Variants in NPAS3 observed in about 807,000 individuals in gnomAD.
The protein encoded by NPAS3 is neuronal PAS domain-containing protein 3.
Under a neutral mutation model 73.1 loss-of-function variants are expected in NPAS3, and 14 were observed. That is an observed-to-expected ratio of 0.19 (90% CI 0.13 to 0.30). The LOEUF (loss-of-function observed/expected upper bound fraction) is 0.30, where lower values mean the gene tolerates loss of function less well. Among genes scored for constraint, NPAS3 ranks in the 10% least tolerant of loss-of-function variants. The probability of loss-of-function intolerance (pLI) is 1.00; values close to 1 mark genes in which losing one functional copy is unlikely to be tolerated. For synonymous variants in NPAS3, 620 were observed against 541.5 expected, an observed-to-expected ratio of 1.14 and a Z score of -2.01; for missense variants, 1,096 against 1,250.0, an observed-to-expected ratio of 0.88 and a Z score of 1.86.
intron 4 of NPAS3, among the ~76,000 whole-genome samples, chr14:33,505,285 C>T (rs969061566): frequency 2.6e-5 from 4 of 151,934 alleles, no homozygotes; most frequent in African/African-American, 7.2e-5. Flanking sequence ...CATAATAGGT[C>T]CACAATTGAT....
intron 2 of NPAS3, among the ~76,000 whole-genome samples, chr14:33,099,388 G>A (rs1185103067): frequency 6.6e-6 from 1 of 152,058 alleles, no homozygotes; most frequent in African/African-American, 2.4e-5. Flanking sequence ...TATTTCAGGA[G>A]GCCCAAGGAC....
chr14:33,311,746 G>T (rs12432566), intron 3 of NPAS3, among the ~76,000 whole-genome samples: 149 of 152,154 alleles, frequency 9.8e-4, no homozygotes, highest in African/African-American at 3.3e-3. Context: ...CAGTCTGGTG[G>T]TGGAGGCGGG....
At chr14:33,778,314 A>T in intron 8 of NPAS3, 152 bp from the exon 9 acceptor site, 1 of 518,720 alleles carries the variant, frequency 1.9e-6, no homozygotes, top group Admixed American at 3.5e-5. Context: ...TAAAGAAATA[A>T]TCTTATGTAT....
intron 3 of NPAS3, among the ~76,000 whole-genome samples, chr14:33,331,954 C>T (rs1357574803): frequency 2.6e-5 from 4 of 152,168 alleles, no homozygotes; most frequent in Non-Finnish European, 5.9e-5. Context: ...AAATGCTCAT[C>T]GTAATGATAC....
chr14:33,273,248 T>C (rs971107998), intron 3 of NPAS3, among the ~76,000 whole-genome samples: 1 of 152,216 alleles, frequency 6.6e-6, no homozygotes, highest in Non-Finnish European at 1.5e-5. Flanking sequence ...TTAAATCTCT[T>C]GGCACTTTCT....
At chr14:33,580,649 C>G (rs1035979836) in intron 5 of NPAS3, among the ~76,000 whole-genome samples, 1 of 152,094 alleles carries the variant, frequency 6.6e-6, no homozygotes, top group Non-Finnish European at 1.5e-5. Flanking sequence ...ATAATCTTTA[C>G]GACTATAAAA....
At chr14:33,781,098 G>A (rs1034705269) in intron 9 of NPAS3, among the ~76,000 whole-genome samples, 3 of 152,192 alleles carry the variant, frequency 2.0e-5, no homozygotes, top group Non-Finnish European at 4.4e-5. Flanking sequence ...ACTCCACAAT[G>A]TCAAGTAGCA....
At chr14:33,799,801 C>G in exon 12 of NPAS3, 1 of 1,612,906 alleles carries the variant, frequency 6.2e-7, no homozygotes, top group South Asian at 1.1e-5. Context: ...ACCCGGAGCC[C>G]GACCGGAAGA....
In NPAS3 at chr14:33,553,985, G is replaced by T. The variant is rs139623098; in HGVS notation, c.469-6136G>T. The stretch of plus-strand genomic sequence containing the variant: ...GCATTTTAATGAGCGCTATCACAGT[G>T]TGATTGTATCAAAAGGCCAAAAAAT... On this transcript the variant is annotated intron_variant, in intron 4 of 11. Coordinates refer to ENST00000356141, the Ensembl canonical transcript of NPAS3. 8.0e-3 allele frequency among the ~76,000 whole-genome samples: 1,211 copies of T among 152,298 alleles called. 9 individuals carry two copies. The highest frequency in any genetic ancestry group is 0.012 in the Non-Finnish European group (799 of 68,034).
At chr14:33,539,599 C>T (rs548141195) in intron 4 of NPAS3, among the ~76,000 whole-genome samples, 2 of 152,114 alleles carry the variant, frequency 1.3e-5, no homozygotes, top group Non-Finnish European at 2.9e-5. Context: ...AAAGAAAAGA[C>T]TCTCCATTTA....
intron 2 of NPAS3, among the ~76,000 whole-genome samples, chr14:33,155,879 A>G (rs1467459804): frequency 6.6e-6 from 1 of 152,182 alleles, no homozygotes; most frequent in African/African-American, 2.4e-5. Context: ...AAATATTACC[A>G]TATTTTTACT....
At position 33,224,980 on chromosome 14, in the gene NPAS3, A is replaced by G. The variant is rs186750877; in HGVS notation, c.385+9554A>G. ...TAAAAAGTTTTATTTTAAAAAAATCACTAGAATTCACTCTGATGATAGAAA... is the reference window on the plus strand; with the variant it reads ...TAAAAAGTTTTATTTTAAAAAAATCGCTAGAATTCACTCTGATGATAGAAA... On this transcript the variant is annotated intron_variant, in intron 3 of 11. Coordinates refer to ENST00000356141, the Ensembl canonical transcript of NPAS3. Among the ~76,000 whole-genome samples, 556 of 152,310 alleles carry G rather than the reference A, an allele frequency of 3.7e-3. 7 individuals carry two copies. The highest frequency in any genetic ancestry group is 0.013 in the African/African-American group (536 of 41,580).
chr14:33,668,423 G>A (rs1248785050), intron 5 of NPAS3, among the ~76,000 whole-genome samples: 1 of 152,150 alleles, frequency 6.6e-6, no homozygotes, highest in Non-Finnish European at 1.5e-5. Context: ...TTATTTTACT[G>A]TGACCAGAAT....
chr14:33,020,766 C>CT (rs538841125), intron 1 of NPAS3, among the ~76,000 whole-genome samples: 4,420 of 146,248 alleles, frequency 0.03, 66 homozygotes, highest in African/African-American at 0.047. Flanking sequence ...GTTTTTGTTT[C>CT]TTTTTTTTTT....
At chr14:33,045,295 T>C (rs1380745151) in intron 1 of NPAS3, among the ~76,000 whole-genome samples, 1 of 152,194 alleles carries the variant, frequency 6.6e-6, no homozygotes, top group Non-Finnish European at 1.5e-5. Flanking sequence ...TTTCCATCTG[T>C]ATCTTTATTT....
chr14:33,111,122 G>T (rs2042877449), intron 2 of NPAS3, among the ~76,000 whole-genome samples: 1 of 152,210 alleles, frequency 6.6e-6, no homozygotes, highest in Non-Finnish European at 1.5e-5. Context: ...TGCTGCCCTT[G>T]GAAGGCTCTG....
rs565208497 is a variant in NPAS3 at position 33,105,023 on chromosome 14, A to G, written c.140+49029A>G. 3.3e-5 allele frequency among the ~76,000 whole-genome samples: 5 copies of G among 152,242 alleles called. No individual in the cohort carries two copies. In the South Asian group the frequency reaches 8.3e-4, roughly 25 times the overall value. Reference sequence around the variant, plus strand: ...AGGAATTTTGGAATATATCTAGGAGAGGGTTCATGATGTGGGAAAGCATCT... The same window carrying G: ...AGGAATTTTGGAATATATCTAGGAGGGGGTTCATGATGTGGGAAAGCATCT... On this transcript the variant is annotated intron_variant, in intron 2 of 11. Coordinates refer to ENST00000356141, the Ensembl canonical transcript of NPAS3.
At chr14:33,452,644 G>A (rs919524146) in intron 4 of NPAS3, among the ~76,000 whole-genome samples, 1 of 151,808 alleles carries the variant, frequency 6.6e-6, no homozygotes, top group Non-Finnish European at 1.5e-5. Context: ...GCATGATGGC[G>A]GGTGCCTGTA....
At chr14:33,374,492 T>A (rs184162748) in intron 4 of NPAS3, among the ~76,000 whole-genome samples, 111 of 151,524 alleles carry the variant, frequency 7.3e-4, no homozygotes, top group African/African-American at 1.5e-3. Flanking sequence ...AAGTTTTTTT[T>A]AAAAAAAAAT....
Sources: gnomAD v4.1 joint callset for allele counts (sites outside exome capture counted in the v4.1 genomes callset) on GRCh38, gnomAD v4.1.1 for gene constraint, MANE v1.5 for transcripts, NCBI Gene and HGNC (gene_info 2026-07-23, HGNC 2026-07-21) for gene names.